CFAP58: variants seen among roughly 807,000 people sequenced by gnomAD.
The protein encoded by CFAP58 is cilia and flagella associated protein 58.
In CFAP58, 88 loss-of-function variants were observed where a neutral mutation model predicts 119.5. The observed-to-expected ratio is 0.74, with a 90% CI of 0.62 to 0.88. The LOEUF (loss-of-function observed/expected upper bound fraction) is 0.88. Ranked by LOEUF, CFAP58 falls within the 40% of genes least tolerant of loss-of-function variation. CFAP58 has a pLI of 0.00. For synonymous variants in CFAP58, 365 were observed against 366.3 expected (o/e 1.00, Z 0.04); for missense variants, 990 against 1,021.2 (o/e 0.97, Z 0.42).
chr10:104,451,474 C>T (rs1482560230), intron 17 of CFAP58, among the ~76,000 whole-genome samples: 1 of 152,132 alleles, frequency 6.6e-6, no homozygotes, highest in Non-Finnish European at 1.5e-5. Flanking sequence ...TACAGGTTCC[C>T]AGGCCATATT....
At chr10:104,431,041 A>T (rs947815644) in intron 15 of CFAP58, among the ~76,000 whole-genome samples, 3 of 152,182 alleles carry the variant, frequency 2.0e-5, no homozygotes, top group African/African-American at 7.2e-5. Context: ...TATGGTCATG[A>T]TTAGTTGGGT....
Position 104,370,287 on chromosome 10 carries a change from C to T in CFAP58, c.931-608C>T, listed in dbSNP as rs2014804980. Among the ~76,000 whole-genome samples the T allele has an allele frequency of 2.6e-5, 4 of 152,296 alleles. No individual in the cohort carries two copies. In the South Asian group the frequency reaches 8.3e-4, roughly 32 times the overall value. ...TCTACAGTTAGATGGTGTATTAGTT[C>T]ATTTTCACGCTGCTGATAAAGACAC... On this transcript the variant is annotated intron_variant, in intron 6 of 17. Coordinates refer to ENST00000369704, the MANE Select transcript of CFAP58 (RefSeq NM_001008723.2).
intron 3 of CFAP58, among the ~76,000 whole-genome samples, 192 bp downstream of exon 3, chr10:104,362,363 C>T (rs2014679887): frequency 6.6e-6 from 1 of 152,148 alleles, no homozygotes; most frequent in Admixed American, 6.6e-5. Context: ...CTAAGAACTT[C>T]TAATTTGTGG....
intron 9 of CFAP58, among the ~76,000 whole-genome samples, chr10:104,390,338 T>C (rs2012007461): frequency 6.6e-6 from 1 of 152,296 alleles, no homozygotes; most frequent in South Asian, 2.1e-4. Flanking sequence ...AAGGTATTAT[T>C]TGATGATAAA....
chr10:104,370,138 A>G (rs2014803138), intron 6 of CFAP58, among the ~76,000 whole-genome samples: 1 of 152,190 alleles, frequency 6.6e-6, no homozygotes, highest in Admixed American at 6.5e-5. Flanking sequence ...TGAATATTTT[A>G]TATATGTTAA....
chr10:104,402,802 G>T (rs563607257), intron 13 of CFAP58, among the ~76,000 whole-genome samples: 1 of 152,254 alleles, frequency 6.6e-6, no homozygotes, highest in Admixed American at 6.5e-5. Flanking sequence ...CTGAAGCCGG[G>T]GACCCATGCT....
intron 9 of CFAP58, among the ~76,000 whole-genome samples, chr10:104,383,518 GT>G (rs1322552506): frequency 1.3e-5 from 2 of 152,068 alleles, no homozygotes; most frequent in Non-Finnish European, 2.9e-5. Flanking sequence ...CGGATACCAA[GT>G]TTTTTTGTTA....
chr10:104,393,142 G>T (rs374713843), intron 10 of CFAP58, among the ~76,000 whole-genome samples, 187 bp from the exon 11 acceptor site: 2 of 152,132 alleles, frequency 1.3e-5, no homozygotes, highest in African/African-American at 2.4e-5. Flanking sequence ...AATATTTTGC[G>T]AGTTAATACA....
intron 9 of CFAP58, chr10:104,382,076 T>G (rs1489780166): frequency 2.8e-6 from 2 of 717,304 alleles, no homozygotes; most frequent in South Asian, 3.0e-5. Context: ...CTCATATAAC[T>G]GGCCTTTGCA....
chr10:104,435,878 T>C (rs2012925277), intron 15 of CFAP58, among the ~76,000 whole-genome samples: 1 of 152,204 alleles, frequency 6.6e-6, no homozygotes, highest in Non-Finnish European at 1.5e-5. Context: ...CTCTTTAAAA[T>C]TGAACTTACC....
Position 104,450,142 on chromosome 10 carries a change from C to T in CFAP58, c.2448C>T (p.Thr816=). 1 of 1,613,130 alleles carries T rather than the reference C, an allele frequency of 6.2e-7. No individual in the cohort carries two copies. Among genetic ancestry groups the T allele is most frequent in the African/African-American group, 1.3e-5 (1 of 74,986 alleles). The change falls in exon 17 of 18, where the codon ACC becomes ACT. Residue 816 remains threonine (T), a synonymous_variant. Coordinates refer to ENST00000369704, the MANE Select transcript of CFAP58 (RefSeq NM_001008723.2). ...KEYKYEVEKL[T]NELQNLKKKY... is the part of the protein sequence containing the mutation. Reference sequence around the variant, plus strand: ...ATAAATATGAGGTAGAGAAACTTACCAATGAGCTCCAGAATTTAAAGAAGA... The same window carrying T: ...ATAAATATGAGGTAGAGAAACTTACTAATGAGCTCCAGAATTTAAAGAAGA...
chr10:104,353,852 G>A lies in CFAP58; in HGVS notation c.-46G>A. On this transcript the variant is annotated 5_prime_UTR_variant, in exon 1 of 18. Transcript: ENST00000369704. ...TTTCCCAGACTCCGGCCCAGCTCCT[G>A]CGATCTCCACAGCAGCCTCTGAGGC... 1 of 1,601,266 alleles carries A rather than the reference G, an allele frequency of 6.2e-7. No homozygotes were observed. The highest frequency in any genetic ancestry group is 8.5e-7 in the Non-Finnish European group (1 of 1,170,518).
intron 6 of CFAP58, among the ~76,000 whole-genome samples, chr10:104,370,429 T>C (rs1374813201): frequency 6.6e-6 from 1 of 152,154 alleles, no homozygotes; most frequent in Non-Finnish European, 1.5e-5. Context: ...ACATCTTATG[T>C]GGATGGCAGC....
chr10:104,338,856 G>A, the CFAP58 span, among the ~76,000 whole-genome samples: 1 of 151,904 alleles, frequency 6.6e-6, no homozygotes, highest in East Asian at 1.9e-4. Context: ...TAGACAAAAC[G>A]CCAGCCTTTT....
intron 4 of CFAP58, 120 bp downstream of exon 4, chr10:104,365,009 T>A: frequency 4.7e-6 from 4 of 849,300 alleles, no homozygotes; most frequent in Non-Finnish European, 7.3e-6. Flanking sequence ...AAATGAAACA[T>A]CCTCAGTTCT....
chr10:104,344,949 A>T, the CFAP58 span, among the ~76,000 whole-genome samples: 3 of 152,042 alleles, frequency 2.0e-5, no homozygotes, highest in Non-Finnish European at 4.4e-5. Context: ...GGAGTTTAAG[A>T]CCAACCTGGT....
intron 9 of CFAP58, among the ~76,000 whole-genome samples, chr10:104,391,561 A>T (rs1253565116): frequency 1.3e-5 from 2 of 152,212 alleles, no homozygotes; most frequent in Non-Finnish European, 2.9e-5. Flanking sequence ...AGTCATGATG[A>T]CGTCATTGCT....
intron 12 of CFAP58, 130 bp from the exon 13 acceptor site, chr10:104,400,550 A>G: frequency 1.4e-6 from 1 of 725,008 alleles, no homozygotes. Flanking sequence ...AGCTCTTTCC[A>G]GTGCCCAGCC....
intron 7 of CFAP58, among the ~76,000 whole-genome samples, chr10:104,373,007 A>T (rs1444072290): frequency 2.0e-5 from 3 of 152,178 alleles, no homozygotes; most frequent in Admixed American, 6.5e-5. Context: ...ACCAGAACTA[A>T]CAACAGAGGT....
Sources: gnomAD v4.1 joint callset for allele counts (sites outside exome capture counted in the v4.1 genomes callset) on GRCh38, gnomAD v4.1.1 for gene constraint, MANE v1.5 for transcripts, NCBI Gene and HGNC (gene_info 2026-07-23, HGNC 2026-07-21) for gene names.